Variants in RORA observed in about 807,000 individuals in gnomAD.
RORA encodes nuclear receptor ROR-alpha.
A neutral mutation model predicts 69.5 loss-of-function variants in RORA; 7 were observed. The ratio of observed to expected loss-of-function variants is 0.10; its 90% CI spans 0.06 to 0.19. RORA has a LOEUF of 0.19. Ranked by LOEUF, RORA falls within the 10% of genes least tolerant of loss-of-function variation. The pLI is 1.00. For missense variants in RORA, 457 were observed against 663.0 expected, an observed-to-expected ratio of 0.69 and a Z score of 3.41; for synonymous variants, 261 against 240.8, an observed-to-expected ratio of 1.08 and a Z score of -0.78.
chr15:61,190,480 G>A (rs1363654310), intron 1 of RORA, among the ~76,000 whole-genome samples: 1 of 152,206 alleles, frequency 6.6e-6, no homozygotes, highest in Admixed American at 6.5e-5. Flanking sequence ...AAGGACGCTG[G>A]GCATGGTGGG....
At chr15:60,903,934 G>A (rs981598776) in intron 1 of RORA, among the ~76,000 whole-genome samples, 7 of 152,212 alleles carry the variant, frequency 4.6e-5, no homozygotes, top group South Asian at 2.1e-4. Flanking sequence ...CATATACGAC[G>A]TATAAAGTAT....
At chr15:61,089,658 T>C (rs1286388297) in intron 1 of RORA, among the ~76,000 whole-genome samples, 1 of 152,152 alleles carries the variant, frequency 6.6e-6, no homozygotes, top group Non-Finnish European at 1.5e-5. Context: ...AAGATCACCT[T>C]GATCAAGAAA....
intron 2 of RORA, among the ~76,000 whole-genome samples, chr15:60,645,420 A>AT (rs11382212): frequency 0.023 from 3,176 of 135,422 alleles, 137 homozygotes; most frequent in African/African-American, 0.074. Context: ...TGACAGATAA[A>AT]TTTTTTTTTT....
chr15:61,048,790 T>G (rs1897160708), intron 1 of RORA, among the ~76,000 whole-genome samples: 1 of 152,120 alleles, frequency 6.6e-6, no homozygotes, highest in Non-Finnish European at 1.5e-5. Context: ...CTGGGCTGCT[T>G]CTTTACGGCT....
rs558921550 is a variant in RORA at position 60,792,583 on chromosome 15, A to C, written c.167-113897T>G. Among the ~76,000 whole-genome samples, 4 of 152,358 alleles carry C rather than the reference A, an allele frequency of 2.6e-5. No homozygotes were observed. The East Asian group carries it at 7.7e-4, about 29-fold the overall frequency. ...CCAGAGACCTACAGCAGAAACAACA[A>C]TATGAATGATAGCTATTTCTCTCAC... On this transcript the variant is annotated intron_variant, in intron 1 of 10. Coordinates refer to ENST00000335670, the MANE Select transcript of RORA (RefSeq NM_134261.3).
At chr15:60,528,759 C>T (rs1302332371) in intron 3 of RORA, 2 of 152,128 alleles carry the variant, frequency 1.3e-5, no homozygotes, top group African/African-American at 4.8e-5. Context: ...GGCATTCTTC[C>T]AGGTACTTTC....
intron 2 of RORA, among the ~76,000 whole-genome samples, chr15:60,619,891 A>C (rs562787613): frequency 2.0e-5 from 3 of 152,242 alleles, no homozygotes; most frequent in Non-Finnish European, 4.4e-5. Context: ...GCAGGCCTCA[A>C]TGGACAGACA....
At chr15:61,055,380 C>T (rs1051398239) in intron 1 of RORA, among the ~76,000 whole-genome samples, 6 of 152,130 alleles carry the variant, frequency 3.9e-5, no homozygotes, top group African/African-American at 1.4e-4. Context: ...ACCGAGGCCA[C>T]AGTGAGAATT....
At chr15:61,158,143 G>T (rs1206761324) in intron 1 of RORA, among the ~76,000 whole-genome samples, 1 of 152,162 alleles carries the variant, frequency 6.6e-6, no homozygotes, top group Non-Finnish European at 1.5e-5. Context: ...AGACTTGGAC[G>T]CCAAGTCCTT....
intron 1 of RORA, among the ~76,000 whole-genome samples, chr15:60,965,198 C>CAGT (rs1893520097): frequency 6.6e-6 from 1 of 152,186 alleles, no homozygotes; most frequent in Non-Finnish European, 1.5e-5. Flanking sequence ...AGCCCATCAG[C>CAGT]ACCAGTGGAA....
At chr15:60,971,096 G>C (rs1294951668) in intron 1 of RORA, among the ~76,000 whole-genome samples, 1 of 152,172 alleles carries the variant, frequency 6.6e-6, no homozygotes, top group Non-Finnish European at 1.5e-5. Flanking sequence ...AAATGAGTTT[G>C]AGAAGATAAA....
intron 1 of RORA, among the ~76,000 whole-genome samples, chr15:60,842,311 T>C (rs2073209662): frequency 6.6e-6 from 1 of 152,192 alleles, no homozygotes; most frequent in Non-Finnish European, 1.5e-5. Flanking sequence ...TGGCTGCCCA[T>C]GGGCTGCAGG....
At chr15:61,063,098 G>T (rs1289532495) in intron 1 of RORA, among the ~76,000 whole-genome samples, 1 of 152,284 alleles carries the variant, frequency 6.6e-6, no homozygotes, top group Non-Finnish European at 1.5e-5. Flanking sequence ...AACTGCAGTT[G>T]CCAGGCTGGC....
At chr15:61,028,901 A>G (rs1396102401) in intron 1 of RORA, among the ~76,000 whole-genome samples, 1 of 152,208 alleles carries the variant, frequency 6.6e-6, no homozygotes, top group African/African-American at 2.4e-5. Flanking sequence ...ACTTACATAA[A>G]TTGTCCAGAA....
At chr15:60,519,323 G>A (rs1177376281) in intron 3 of RORA, among the ~76,000 whole-genome samples, 1 of 152,090 alleles carries the variant, frequency 6.6e-6, no homozygotes, top group African/African-American at 2.4e-5. Context: ...TGTGACAAGG[G>A]CAATATTGGG....
At chr15:60,578,018 T>C (rs985951635) in intron 2 of RORA, among the ~76,000 whole-genome samples, 5 of 152,216 alleles carry the variant, frequency 3.3e-5, no homozygotes, top group African/African-American at 9.6e-5. Flanking sequence ...GGTATTATAA[T>C]AGCCTTTTCA....
Position 60,496,480 on chromosome 15 carries a change from A to G in RORA, c.*975T>C, listed in dbSNP as rs1312920565. On this transcript the variant is annotated 3_prime_UTR_variant, in exon 11 of 11. Transcript: ENST00000335670. This position sits in a 1 kb window ranked among gnomAD's most constrained non-coding sequence, Gnocchi z 4.5. ...AAAAAAAAAAAATGAGCATGATGGT[A>G]TATGTCCACCACGCCAATCAATCAT... 3 of 152,160 alleles carry G rather than the reference A, an allele frequency of 2.0e-5. No individual in the cohort carries two copies. Among genetic ancestry groups the G allele is most frequent in the East Asian group, 1.9e-4 (1 of 5,198 alleles). 9.4% of individuals were successfully genotyped at this position (152,160 alleles called of 1,614,324 possible). A position where few individuals can be genotyped will look rare whatever the true frequency, so the allele number is the denominator to read the frequency against.
At chr15:60,915,877 G>A (rs1023135542) in intron 1 of RORA, among the ~76,000 whole-genome samples, 2 of 152,264 alleles carry the variant, frequency 1.3e-5, no homozygotes, top group Admixed American at 6.5e-5. Flanking sequence ...AATGGCTTCC[G>A]CATGAATTTG....
intron 1 of RORA, among the ~76,000 whole-genome samples, chr15:61,005,144 G>A (rs1743163074): frequency 6.6e-6 from 1 of 152,166 alleles, no homozygotes; most frequent in South Asian, 2.1e-4. Context: ...TAGGATGATT[G>A]GTTAAGTCAA....
Sources: gnomAD v4.1 joint callset for allele counts (sites outside exome capture counted in the v4.1 genomes callset) on GRCh38, gnomAD v4.1.1 for gene constraint, Gnocchi (gnomAD v3.1) non-coding constraint, MANE v1.5 for transcripts, NCBI Gene and HGNC (gene_info 2026-07-23, HGNC 2026-07-21) for gene names.